The following POU2F3 variants were observed in gnomAD, a reference collection of about 807,000 sequenced individuals.
POU2F3 encodes the protein POU domain, class 2, transcription factor 3.
A neutral mutation model predicts 59.2 loss-of-function variants in POU2F3; 23 were observed. That is an observed-to-expected ratio of 0.39 (90% confidence interval 0.28 to 0.55). The LOEUF is 0.55. Among genes scored for constraint, POU2F3 ranks in the 20% least tolerant of loss-of-function variants. The pLI is 0.66. For synonymous variants in POU2F3, 190 were observed against 214.6 expected (o/e 0.89, Z 1.00); for missense variants, 473 against 544.5 (o/e 0.87, Z 1.31).
intron 5 of POU2F3, among the ~76,000 whole-genome samples, chr11:120,300,492 G>T (rs989190226): frequency 6.6e-6 from 1 of 152,084 alleles, no homozygotes; most frequent in Admixed American, 6.5e-5. Context: ...GGCCAGGCTC[G>T]GTGGCTCACG....
chr11:120,281,975 C>G (rs1940589368), intron 3 of POU2F3, among the ~76,000 whole-genome samples: 1 of 152,214 alleles, frequency 6.6e-6, no homozygotes, highest in African/African-American at 2.4e-5. Flanking sequence ...TGTTGTTATT[C>G]CCATTGCAAC....
At chr11:120,242,942 G>A (rs1938724742) in intron 1 of POU2F3, among the ~76,000 whole-genome samples, 1 of 152,104 alleles carries the variant, frequency 6.6e-6, no homozygotes, top group South Asian at 2.1e-4. Context: ...GAAAACAGTG[G>A]GAAGCCAGCG....
chr11:120,305,604 G>C (rs761263796), intron 7 of POU2F3, 40 bp from the exon 8 acceptor site: 24 of 1,606,322 alleles, frequency 1.5e-5, no homozygotes, highest in Admixed American at 3.3e-5. Context: ...AGAGGAGGAG[G>C]CTGCCTCTCA....
intron 4 of POU2F3, among the ~76,000 whole-genome samples, chr11:120,298,928 C>T (rs953085502): frequency 9.2e-5 from 14 of 152,306 alleles, no homozygotes; most frequent in Admixed American, 2.0e-4. Context: ...GCATCTGTCC[C>T]TTCACCTGCC....
At chr11:120,284,783 T>C (rs745898487) in intron 3 of POU2F3, among the ~76,000 whole-genome samples, 1 of 151,908 alleles carries the variant, frequency 6.6e-6, no homozygotes, top group Non-Finnish European at 1.5e-5. Context: ...GTTGAGCCTT[T>C]AGCCCCGGGG....
upstream of POU2F3, among the ~76,000 whole-genome samples, chr11:120,237,213 G>T (rs902750795): frequency 2.0e-5 from 3 of 152,162 alleles, no homozygotes; most frequent in African/African-American, 7.2e-5. Context: ...AAATCAGATG[G>T]TGTATGTTCA....
intron 2 of POU2F3, among the ~76,000 whole-genome samples, chr11:120,246,777 A>G (rs1329064314): frequency 6.6e-6 from 1 of 152,180 alleles, no homozygotes; most frequent in Non-Finnish European, 1.5e-5. Flanking sequence ...AACAAAACCA[A>G]AAAAGTTCAG....
intron 3 of POU2F3, among the ~76,000 whole-genome samples, chr11:120,281,863 G>A (rs548416286): frequency 6.6e-6 from 1 of 151,390 alleles, no homozygotes; most frequent in Admixed American, 6.6e-5. Context: ...TGTTCAATGG[G>A]AGGAAAAATA....
At chr11:120,237,110 T>C (rs1158374031), upstream of POU2F3, among the ~76,000 whole-genome samples, 2 of 152,202 alleles carry the variant, frequency 1.3e-5, no homozygotes, top group African/African-American at 4.8e-5. Context: ...AACTCTGTAG[T>C]CTACTAGCTG....
At chr11:120,294,768 A>G (rs896894611) in intron 3 of POU2F3, among the ~76,000 whole-genome samples, 10 of 152,260 alleles carry the variant, frequency 6.6e-5, no homozygotes, top group Middle Eastern at 3.4e-3. Context: ...GCTAATAGAG[A>G]CCGCTGATCA....
At chr11:120,263,170 T>G (rs1327057511) in intron 2 of POU2F3, among the ~76,000 whole-genome samples, 1 of 152,190 alleles carries the variant, frequency 6.6e-6, no homozygotes, top group Admixed American at 6.5e-5. Flanking sequence ...TTTTGTATTT[T>G]TAGTAGAGAC....
At chr11:120,286,641 A>T (rs1286016024) in intron 3 of POU2F3, among the ~76,000 whole-genome samples, 2 of 152,180 alleles carry the variant, frequency 1.3e-5, no homozygotes, top group African/African-American at 2.4e-5. Context: ...TTTAAAGGTA[A>T]TTATGTCACA....
chr11:120,305,619 C>G (rs773603142), intron 7 of POU2F3, 25 bp from the exon 8 acceptor site: 6 of 1,611,130 alleles, frequency 3.7e-6, no homozygotes, highest in South Asian at 1.1e-5. Context: ...CTCTCATGTT[C>G]CTCCCCCTCG....
chr11:120,277,621 CA>C (rs886909788), intron 3 of POU2F3, among the ~76,000 whole-genome samples: 31 of 145,028 alleles, frequency 2.1e-4, no homozygotes, highest in Admixed American at 2.8e-4. Flanking sequence ...ACTAAAATTG[CA>C]AAAAAAAAAA....
intron 3 of POU2F3, among the ~76,000 whole-genome samples, chr11:120,270,594 G>A (rs897201550): frequency 2.6e-5 from 4 of 152,272 alleles, no homozygotes; most frequent in Admixed American, 2.6e-4. Context: ...CTTAGATTCT[G>A]CTATCCTGAG....
At chr11:120,261,362 C>T (rs1269950355) in intron 2 of POU2F3, 4 of 152,254 alleles carry the variant, frequency 2.6e-5, no homozygotes, top group African/African-American at 4.8e-5. Context: ...TTCCCAAAGG[C>T]CTGGATGATC....
intron 4 of POU2F3, among the ~76,000 whole-genome samples, chr11:120,299,102 G>T (rs543879220): frequency 6.6e-6 from 1 of 152,218 alleles, no homozygotes; most frequent in African/African-American, 2.4e-5. Context: ...TGGACTTTTT[G>T]TTTAACTAAA....
intron 2 of POU2F3, among the ~76,000 whole-genome samples, chr11:120,263,026 C>G (rs1362990060): frequency 6.6e-6 from 1 of 151,470 alleles, no homozygotes; most frequent in Non-Finnish European, 1.5e-5. Flanking sequence ...GAGTCTCACT[C>G]TGTTGCCCAG....
intron 3 of POU2F3, among the ~76,000 whole-genome samples, chr11:120,270,344 A>G (rs1224127126): frequency 6.6e-6 from 1 of 152,196 alleles, no homozygotes; most frequent in Non-Finnish European, 1.5e-5. Flanking sequence ...TCTTAAGTGA[A>G]TAATTATAAT....
Sources: allele counts gnomAD v4.1 joint callset (sites outside exome capture counted in the v4.1 genomes callset), GRCh38; gene constraint gnomAD v4.1.1; transcripts MANE v1.5; gene names NCBI Gene and HGNC (gene_info 2026-07-23, HGNC 2026-07-21).